PLS3: variants seen among roughly 807,000 people sequenced by gnomAD.
The protein encoded by PLS3 is plastin 3.
A neutral mutation model predicts 46.5 loss-of-function variants in PLS3; 11 were observed. That is an observed-to-expected ratio of 0.24 (90% CI 0.15 to 0.39). The LOEUF (loss-of-function observed/expected upper bound fraction) is 0.39, where lower values mean the gene tolerates loss of function less well. Among genes scored for constraint, PLS3 ranks in the 10% least tolerant of loss-of-function variants. The probability of loss-of-function intolerance (pLI) is 1.00; values close to 1 mark genes in which losing one functional copy is unlikely to be tolerated. For missense variants in PLS3, 308 were observed against 461.8 expected, an observed-to-expected ratio of 0.67 and a Z score of 3.05; for synonymous variants, 167 against 162.2, an observed-to-expected ratio of 1.03 and a Z score of -0.22.
intron 1 of PLS3, among the ~76,000 whole-genome samples, chrX:115,567,926 G>A (rs5945978): frequency 0.03 from 3,364 of 110,471 alleles, 76 homozygotes; most frequent in Admixed American, 0.11. Context: ...TGTTAGGGCC[G>A]TATAATAGTT....
At chrX:115,614,488 C>T in intron 2 of PLS3, 2 of 748,069 alleles carry the variant, frequency 2.7e-6, no homozygotes, top group Non-Finnish European at 3.2e-6. Context: ...TTAGCTGGAA[C>T]TCATTAAACT....
chrX:115,611,913 G>A (rs1324175680), intron 2 of PLS3, among the ~76,000 whole-genome samples: 4 of 111,428 alleles, frequency 3.6e-5, no homozygotes, highest in Non-Finnish European at 7.6e-5. Flanking sequence ...TCATTGTGGA[G>A]CTATTGTTTA....
chrX:115,573,941 C>T (rs2074232671), intron 1 of PLS3, among the ~76,000 whole-genome samples: 2 of 111,037 alleles, frequency 1.8e-5, no homozygotes, highest in Admixed American at 1.9e-4. Context: ...TGGCCTCAAG[C>T]GATCTGCCCA....
At chrX:115,617,884 A>G (rs1380720737) in intron 2 of PLS3, among the ~76,000 whole-genome samples, 1 of 112,069 alleles carries the variant, frequency 8.9e-6, no homozygotes, top group Non-Finnish European at 1.9e-5. Flanking sequence ...CAGGGAGGAT[A>G]CAGGCAAATA....
chrX:115,645,159 T>A, intron 11 of PLS3, 60 bp downstream of exon 11: 1 of 685,335 alleles, frequency 1.5e-6, no homozygotes, highest in East Asian at 3.3e-5. Flanking sequence ...TGTTAAATAA[T>A]GACAGCTCTA....
At chrX:115,645,447 G>A in intron 11 of PLS3, among the ~76,000 whole-genome samples, 1 of 109,774 alleles carries the variant, frequency 9.1e-6, no homozygotes, top group East Asian at 2.9e-4. Flanking sequence ...ACTCCAGCCT[G>A]GGCAACAAAG....
At chrX:115,565,850 T>C (rs1029797926) in intron 1 of PLS3, among the ~76,000 whole-genome samples, 1 of 112,301 alleles carries the variant, frequency 8.9e-6, no homozygotes, top group African/African-American at 3.2e-5. Context: ...TTTTATAATA[T>C]GAGAAACCTT....
intron 1 of PLS3, among the ~76,000 whole-genome samples, chrX:115,590,538 G>T (rs782269622): frequency 4.5e-5 from 5 of 112,122 alleles, no homozygotes; most frequent in Non-Finnish European, 9.4e-5. Context: ...CTGTCTTTTA[G>T]CCCGGGCACA....
intron 2 of PLS3, 27 bp from the exon 3 acceptor site, chrX:115,622,219 T>A: frequency 8.5e-7 from 1 of 1,175,548 alleles, no homozygotes; most frequent in South Asian, 2.0e-5. Flanking sequence ...TTTTTTCCTT[T>A]TTTGCTTGCT....
chrX:115,577,458 C>A (rs1291577462), intron 1 of PLS3, among the ~76,000 whole-genome samples: 1 of 88,369 alleles, frequency 1.1e-5, no homozygotes, highest in Non-Finnish European at 2.2e-5. Flanking sequence ...ATTGAATATA[C>A]ATTATAGGGT....
intron 2 of PLS3, among the ~76,000 whole-genome samples, chrX:115,621,810 A>G (rs1242903282): frequency 2.7e-5 from 3 of 112,194 alleles, no homozygotes; most frequent in Non-Finnish European, 5.6e-5. Context: ...TTGAAACAGA[A>G]TCAGCATTAA....
Position 115,633,984 on chromosome X carries a change from T to A in PLS3, c.501-16T>A, listed in dbSNP as rs41309530. The stretch of plus-strand genomic sequence containing the variant: ...CTTTTTTTTTACATCAGCCTTTTTT[T>A]AAATTTTTGTTTCAGTAAAATGATT... On this transcript the variant is annotated splice_polypyrimidine_tract_variant and intron_variant, in intron 5 of 15. Coordinates refer to ENST00000355899, the MANE Select transcript of PLS3 (RefSeq NM_005032.7). 60 of 940,888 alleles carry A rather than the reference T, an allele frequency of 6.4e-5. No homozygotes were observed. The highest frequency in any genetic ancestry group is 2.5e-4 in the South Asian group (12 of 48,052). The allele number at this position is 940,888 out of a possible 1,213,427, so 77.5% of individuals were successfully genotyped here.
At chrX:115,648,381 A>G (rs1556642042) in intron 15 of PLS3, among the ~76,000 whole-genome samples, 1 of 111,207 alleles carries the variant, frequency 9.0e-6, no homozygotes, top group Non-Finnish European at 1.9e-5. Context: ...TAAAAAACGC[A>G]TTATCCACTT....
intron 1 of PLS3, among the ~76,000 whole-genome samples, chrX:115,567,896 A>G (rs1415614296): frequency 1.8e-5 from 2 of 109,888 alleles, no homozygotes; most frequent in Admixed American, 9.8e-5. Context: ...ATAAGTTTTT[A>G]CTTTCTGTAA....
intron 1 of PLS3, among the ~76,000 whole-genome samples, chrX:115,568,688 T>C (rs2074192805): frequency 8.9e-6 from 1 of 112,175 alleles, no homozygotes; most frequent in Non-Finnish European, 1.9e-5. Flanking sequence ...TGATAGTCCC[T>C]GAAATTTAAA....
intron 1 of PLS3, among the ~76,000 whole-genome samples, chrX:115,584,202 T>C (rs1364338823): frequency 8.9e-6 from 1 of 112,155 alleles, no homozygotes; most frequent in Non-Finnish European, 1.9e-5. Flanking sequence ...AATAAACCAC[T>C]ATAATATATG....
rs782610011 is a variant in PLS3 at position 115,579,479 on chromosome X, A to G, written c.-9+18219A>G. Among the ~76,000 whole-genome samples the G allele has an allele frequency of 3.6e-5, 4 of 111,741 alleles. No homozygotes were observed. The South Asian group carries it at 1.5e-3, about 42-fold the overall frequency. ...TGTTTAATTTTATAAGAAATTGCCA[A>G]AGTGTTTGCCCAGAGTGACTGTACC... On this transcript the variant is annotated intron_variant, in intron 1 of 15. Transcript: ENST00000355899.
At chrX:115,588,665 C>T (rs192037319) in intron 1 of PLS3, among the ~76,000 whole-genome samples, 76 of 111,328 alleles carry the variant, frequency 6.8e-4, no homozygotes, top group African/African-American at 2.1e-3. Flanking sequence ...AGTTTAGGAA[C>T]TGCTGAGTTG....
intron 3 of PLS3, among the ~76,000 whole-genome samples, 169 bp from the exon 4 acceptor site, chrX:115,629,029 G>T (rs1257707431): frequency 9.0e-6 from 1 of 111,568 alleles, no homozygotes; most frequent in Non-Finnish European, 1.9e-5. Flanking sequence ...TTCAGAAGGG[G>T]TATTGTAGTA....
Sources: gnomAD v4.1 joint callset for allele counts (sites outside exome capture counted in the v4.1 genomes callset) on GRCh38, gnomAD v4.1.1 for gene constraint, MANE v1.5 for transcripts, NCBI Gene and HGNC (gene_info 2026-07-23, HGNC 2026-07-21) for gene names.